Variants in FGF1 observed in about 807,000 individuals in gnomAD.
FGF1 encodes the protein beta-endothelial cell growth factor.
A neutral mutation model predicts 13.4 loss-of-function variants in FGF1; 9 were observed. The observed-to-expected ratio is 0.67, with a 90% confidence interval of 0.40 to 1.17. The LOEUF (loss-of-function observed/expected upper bound fraction) is 1.17, where lower values mean the gene tolerates loss of function less well. FGF1 is among the 50% of genes most tolerant of loss of function. FGF1 has a pLI of 0.01. For synonymous variants in FGF1, 93 were observed against 79.0 expected (o/e 1.18, Z -0.94); for missense variants, 156 against 192.7 (o/e 0.81, Z 1.13).
At chr5:142,625,429 A>G (rs1762297497) in intron 1 of FGF1, among the ~76,000 whole-genome samples, 1 of 152,006 alleles carries the variant, frequency 6.6e-6, no homozygotes, top group Non-Finnish European at 1.5e-5. Context: ...CATCCACAAA[A>G]CACTCCCCCT....
At chr5:142,656,190 T>C (rs1768111275) in intron 1 of FGF1, among the ~76,000 whole-genome samples, 1 of 150,952 alleles carries the variant, frequency 6.6e-6, no homozygotes, top group Non-Finnish European at 1.5e-5. Context: ...CAGGAACCAG[T>C]ATCTTCTTCC....
chr5:142,663,713 C>T (rs571754648), intron 1 of FGF1, among the ~76,000 whole-genome samples: 1 of 152,324 alleles, frequency 6.6e-6, no homozygotes, highest in African/African-American at 2.4e-5. Context: ...CACAGACAAC[C>T]TCTTCGTTCC....
intron 1 of FGF1, among the ~76,000 whole-genome samples, chr5:142,640,458 G>T (rs1399047768): frequency 6.8e-6 from 1 of 147,134 alleles, no homozygotes; most frequent in Non-Finnish European, 1.5e-5. Flanking sequence ...AAGCGGCATT[G>T]GAGCTGAGGC....
At chr5:142,628,580 A>G (rs769391128) in intron 1 of FGF1, among the ~76,000 whole-genome samples, 2 of 152,220 alleles carry the variant, frequency 1.3e-5, no homozygotes, top group Non-Finnish European at 2.9e-5. Context: ...TGGCCTCTCA[A>G]GGGAGTTTTC....
At chr5:142,623,612 G>A (rs1170091938) in intron 1 of FGF1, among the ~76,000 whole-genome samples, 2 of 151,906 alleles carry the variant, frequency 1.3e-5, no homozygotes, top group Non-Finnish European at 2.9e-5. Flanking sequence ...GCCTCCCAGA[G>A]TGCTGGGATT....
Position 142,594,227 on chromosome 5 carries a change from G to A in FGF1, c.*1063C>T, listed in dbSNP as rs41124. Reference sequence around the variant, plus strand: ...TTAATGTATGGCGGGTAAGGCAGCAGTATTGTCAGCACCTGCACCTGGGGG... The same window carrying A: ...TTAATGTATGGCGGGTAAGGCAGCAATATTGTCAGCACCTGCACCTGGGGG... On this transcript the variant is annotated 3_prime_UTR_variant, in exon 4 of 4. Transcript: ENST00000337706. The A allele has an allele frequency of 2.0e-5, 3 of 152,332 alleles. No homozygotes were observed. The East Asian group carries it at 5.8e-4, about 29-fold the overall frequency. 9.4% of individuals were successfully genotyped at this position (152,332 alleles called of 1,614,324 possible). A position where few individuals can be genotyped will look rare whatever the true frequency, so the allele number is the denominator to read the frequency against.
At chr5:142,667,926 C>T (rs1430617895) in intron 1 of FGF1, among the ~76,000 whole-genome samples, 1 of 152,230 alleles carries the variant, frequency 6.6e-6, no homozygotes, top group African/African-American at 2.4e-5. Flanking sequence ...TGGCCTCGCT[C>T]CCACTGACTT....
chr5:142,693,437 G>A (rs1441673794), intron 2 of FGF1, among the ~76,000 whole-genome samples: 1 of 151,874 alleles, frequency 6.6e-6, no homozygotes, highest in Admixed American at 6.6e-5. Context: ...GATTACAGGC[G>A]TGCGCCACCA....
At chr5:142,639,638 G>C (rs1336412161) in intron 1 of FGF1, among the ~76,000 whole-genome samples, 1 of 151,944 alleles carries the variant, frequency 6.6e-6, no homozygotes, top group Non-Finnish European at 1.5e-5. Flanking sequence ...ATAGGTTCTA[G>C]AGATCTATCG....
intron 1 of FGF1, among the ~76,000 whole-genome samples, chr5:142,672,937 C>T (rs1187225655): frequency 1.3e-5 from 2 of 152,208 alleles, no homozygotes; most frequent in African/African-American, 4.8e-5. Context: ...TCTCTCTAAG[C>T]TTCAGTTCCA....
upstream of FGF1, chr5:142,686,447 T>C (rs1751230694): frequency 1.3e-5 from 2 of 152,292 alleles, no homozygotes; most frequent in Admixed American, 1.3e-4. Context: ...CTGGGTGTTA[T>C]TTTAACGTGG....
At chr5:142,671,006 T>A (rs1043445875) in intron 1 of FGF1, among the ~76,000 whole-genome samples, 3 of 152,218 alleles carry the variant, frequency 2.0e-5, no homozygotes, top group African/African-American at 4.8e-5. Context: ...TCCACCAGGA[T>A]CATAAACACA....
chr5:142,619,367 T>C (rs1761011374), intron 1 of FGF1, among the ~76,000 whole-genome samples: 1 of 152,220 alleles, frequency 6.6e-6, no homozygotes. Context: ...TAATTGGATG[T>C]ATCCTCAAAC....
intron 1 of FGF1, among the ~76,000 whole-genome samples, chr5:142,650,230 C>A (rs1224837738): frequency 6.6e-6 from 1 of 152,160 alleles, no homozygotes; most frequent in Non-Finnish European, 1.5e-5. Context: ...CTCTTCTATG[C>A]CAGGCACCAT....
At chr5:142,609,161 G>A (rs886581177) in intron 2 of FGF1, among the ~76,000 whole-genome samples, 1 of 152,152 alleles carries the variant, frequency 6.6e-6, no homozygotes, top group Non-Finnish European at 1.5e-5. Context: ...CCTTTAGAAA[G>A]GGCTGCAAGG....
chr5:142,629,348 G>C (rs879422445), intron 1 of FGF1, among the ~76,000 whole-genome samples: 2 of 152,066 alleles, frequency 1.3e-5, no homozygotes, highest in Non-Finnish European at 2.9e-5. Context: ...ATTTTTAGTA[G>C]AGACAAGGTC....
At chr5:142,632,792 G>A (rs546696127) in intron 1 of FGF1, among the ~76,000 whole-genome samples, 1 of 152,088 alleles carries the variant, frequency 6.6e-6, no homozygotes, top group Non-Finnish European at 1.5e-5. Flanking sequence ...CATACAGATG[G>A]TTCATTTGTA....
chr5:142,654,368 A>G (rs1767789926), intron 1 of FGF1, among the ~76,000 whole-genome samples: 1 of 152,196 alleles, frequency 6.6e-6, no homozygotes, highest in Admixed American at 6.5e-5. Context: ...CCTTCTTGGA[A>G]CTCAATGATT....
At chr5:142,637,190 C>A (rs1764405020) in intron 1 of FGF1, among the ~76,000 whole-genome samples, 1 of 151,910 alleles carries the variant, frequency 6.6e-6, no homozygotes, top group Non-Finnish European at 1.5e-5. Flanking sequence ...GGCAGATGAA[C>A]TAAACTCGAA....
Sources: gnomAD v4.1 joint callset for allele counts (sites outside exome capture counted in the v4.1 genomes callset) on GRCh38, gnomAD v4.1.1 for gene constraint, MANE v1.5 for transcripts, NCBI Gene and HGNC (gene_info 2026-07-23, HGNC 2026-07-21) for gene names.